NAPSA: variants seen among roughly 807,000 people sequenced by gnomAD.
NAPSA encodes napsin-A.
Under a neutral mutation model 36.7 loss-of-function variants are expected in NAPSA, and 37 were observed. The ratio of observed to expected loss-of-function variants is 1.01; its 90% CI spans 0.78 to 1.33. NAPSA has a LOEUF of 1.33. Among genes scored for constraint, NAPSA ranks in the 40% most tolerant of loss-of-function variants. NAPSA has a pLI of 0.00. For missense variants in NAPSA, 532 were observed against 543.8 expected (o/e 0.98, Z 0.21); for synonymous variants, 222 against 234.5 (o/e 0.95, Z 0.49).
rs781403779 is a variant in NAPSA at position 50,362,180 on chromosome 19, A to G, written c.217T>C (p.Tyr73His). The G allele has an allele frequency of 6.2e-7, 1 of 1,613,512 alleles. No homozygotes were observed. Among genetic ancestry groups the G allele is most frequent in the Non-Finnish European group, 8.5e-7 (1 of 1,179,664 alleles). Reference protein sequence around the residue: ...DKPIFVPLSNYRDVQYFGEIG... With the variant: ...DKPIFVPLSNHRDVQYFGEIG... ...GTGGGGCTGTGACTCACATCCCTGT[A>G]GTTCGAGAGAGGTACGAAGATGGGC... Residue 73 changes from tyrosine to histidine, a missense_variant, in exon 2 of 9, where the codon TAC (tyrosine) becomes CAC (histidine). Around this residue, in one of 3 missense-constraint regions of NAPSA, gnomAD observed 102 missense variants for 93.6 expected, o/e 1.09. Transcript: ENST00000253719.
At position 50,358,630 on chromosome 19, in the gene NAPSA, C is replaced by T; in HGVS notation, c.1186G>A (p.Val396Met). 6.2e-7 allele frequency: 1 copy of T among 1,612,820 alleles called. No individual in the cohort carries two copies. Among genetic ancestry groups the T allele is most frequent in the South Asian group, 1.1e-5 (1 of 91,050 alleles). ...CGAGTGCGAGCGCGCGCCAGGCCCA[C>T]CCGGGCGCTGCTCTTCATGTCCCCG... is the stretch of plus-strand genomic sequence containing the variant. ...DRGDMKSSARVGLARARTRGA... is the reference protein window; with the variant it reads ...DRGDMKSSARMGLARARTRGA... The change falls in exon 9 of 9, where the codon GTG (valine) becomes ATG (methionine). Residue 396 changes from valine (V) to methionine (M), a missense_variant. By Grantham distance (21) the Val-to-Met change is conservative. This residue lies in a region of NAPSA where 385 missense variants were observed against 371.5 expected (regional missense o/e 1.04). Transcript: ENST00000253719.
chr19:50,364,429 C>A (rs2037516655), intron 1 of NAPSA, among the ~76,000 whole-genome samples: 1 of 151,036 alleles, frequency 6.6e-6, no homozygotes, highest in African/African-American at 2.4e-5. Context: ...TCCTGGCTAA[C>A]ACTGTGAAAC....
intron 7 of NAPSA, 97 bp from the exon 8 acceptor site, chr19:50,359,206 C>T: frequency 9.2e-6 from 10 of 1,087,644 alleles, no homozygotes; most frequent in Non-Finnish European, 1.4e-5. Context: ...CCCTATTGAG[C>T]ACCTGGGTAC....
Position 50,361,089 on chromosome 19 carries a change from G to A in NAPSA, c.520C>T (p.Pro174Ser). Reference protein sequence around the residue: ...SVIFGEALWEPSLVFAFAHFD... With the variant: ...SVIFGEALWESSLVFAFAHFD... ...TGGGCAAAAGCGAAGACCAGGCTGG[G>A]CTCCCAGAGAGCCTCCCCGAAAATC... is the stretch of plus-strand genomic sequence containing the variant. The change falls in exon 5 of 9, where the codon CCC becomes TCC. Residue 174 changes from proline (P) to serine (S), a missense_variant. By Grantham distance (74) the Pro-to-Ser change is moderately conservative. This residue lies in a region of NAPSA where 385 missense variants were observed against 371.5 expected (regional missense o/e 1.04). Transcript: ENST00000253719. 1 of 1,614,062 alleles carries A rather than the reference G, an allele frequency of 6.2e-7. No homozygotes were observed. Among genetic ancestry groups the A allele is most frequent in the Non-Finnish European group, 8.5e-7 (1 of 1,180,012 alleles).
chr19:50,360,945 T>G lies in NAPSA; in HGVS notation c.664A>C (p.Asn222His). Residue 222 changes from asparagine to histidine, a missense_variant, in exon 5 of 9, where the codon AAC (asparagine) becomes CAC (histidine). By Grantham distance (68) the Asn-to-His change is moderately conservative. Around this residue, in one of 3 missense-constraint regions of NAPSA, gnomAD observed 385 missense variants for 371.5 expected, o/e 1.04. Coordinates refer to ENST00000253719, the MANE Select transcript of NAPSA (RefSeq NM_004851.3). ...LDKPVFSFYL[N>H]RDPEEPDGGE... is the part of the protein sequence containing the mutation. ...TAGGTGCACACTTCCCAGTACCTGT[T>G]GAGGTAAAAGGAGAAGACAGGCTTA... 6.2e-7 allele frequency: 1 copy of G among 1,613,782 alleles called. No individual in the cohort carries two copies. The highest frequency in any genetic ancestry group is 8.5e-7 in the Non-Finnish European group (1 of 1,179,822).
chr19:50,361,698 G>T lies in NAPSA; in HGVS notation c.433C>A (p.Arg145=), dbSNP rs186910155. 2.7e-5 allele frequency: 43 copies of T among 1,613,938 alleles called. 1 individual carries two copies. In the African/African-American group the frequency reaches 5.3e-4, roughly 20 times the overall value. ...TCCTCGCTCAGGATTCCATCTACCC[G>T]CCCAGTTCCATATTGAATGGCAAAC... ...TKFAIQYGTG[R]VDGILSEDKL... Residue 145 remains arginine, a synonymous_variant, in exon 4 of 9, where the codon CGG becomes AGG. Coordinates refer to ENST00000253719, the MANE Select transcript of NAPSA (RefSeq NM_004851.3).
intron 5 of NAPSA, 133 bp downstream of exon 5, chr19:50,360,808 A>G: frequency 1.2e-6 from 1 of 860,374 alleles, no homozygotes; most frequent in Non-Finnish European, 1.8e-6. Context: ...TGAATGGCTG[A>G]CTTCCTGAAT....
Position 50,361,045 on chromosome 19 carries a change from G to A in NAPSA, c.564C>T (p.Gly188=). ...CCACAGACAGAATGGGAAAACCGAG[G>A]CCCAATATCCCATCAAAATGGGCAA... ...FAFAHFDGIL[G]LGFPILSVEG... is the part of the protein sequence containing the mutation. Residue 188 remains glycine, a synonymous_variant, in exon 5 of 9, where the codon GGC becomes GGT. Transcript: ENST00000253719. The A allele has an allele frequency of 6.2e-7, 1 of 1,614,146 alleles. No homozygotes were observed.
rs777593138 is a variant in NAPSA at position 50,361,042 on chromosome 19, G to C, written c.567C>G (p.Leu189=). Residue 189 remains leucine (L), a synonymous_variant, in exon 5 of 9, where the codon CTC becomes CTG. Coordinates refer to ENST00000253719, the MANE Select transcript of NAPSA (RefSeq NM_004851.3). Reference sequence around the variant, plus strand: ...CTTCCACAGACAGAATGGGAAAACCGAGGCCCAATATCCCATCAAAATGGG... The same window carrying C: ...CTTCCACAGACAGAATGGGAAAACCCAGGCCCAATATCCCATCAAAATGGG... ...AFAHFDGILG[L]GFPILSVEGV... 1.2e-6 allele frequency: 2 copies of C among 1,613,990 alleles called. No individual in the cohort carries two copies. Among genetic ancestry groups the C allele is most frequent in the Non-Finnish European group, 1.7e-6 (2 of 1,180,024 alleles).
Position 50,365,626 on chromosome 19 carries a change from G to T in NAPSA, c.-5C>A. 6.2e-7 allele frequency: 1 copy of T among 1,604,242 alleles called. No individual in the cohort carries two copies. The highest frequency in any genetic ancestry group is 1.1e-5 in the South Asian group (1 of 90,132). ...CAGCAGCGGTGGTGGAGACATCGCTGGGGACCTGGGTGTGAACCCAGGTGT... is the reference window on the plus strand; with the variant it reads ...CAGCAGCGGTGGTGGAGACATCGCTTGGGACCTGGGTGTGAACCCAGGTGT... On this transcript the variant is annotated 5_prime_UTR_variant, in exon 1 of 9. Coordinates refer to ENST00000253719, the MANE Select transcript of NAPSA (RefSeq NM_004851.3).
chr19:50,360,846 A>C, intron 5 of NAPSA, 95 bp downstream of exon 5: 1 of 1,239,436 alleles, frequency 8.1e-7, no homozygotes, highest in Non-Finnish European at 1.1e-6. Context: ...GACTCTGAGA[A>C]TGAGAATTCC....
chr19:50,362,076 T>A lies in NAPSA; in HGVS notation c.242A>T (p.Glu81Val). ...TTGTGGAGGCGTTCCCAGCCCAATT[T>A]CCCCAAAATACTGCACCTGATAGCA... is the stretch of plus-strand genomic sequence containing the variant. ...SNYRDVQYFG[E>V]IGLGTPPQNF... The change falls in exon 3 of 9, where the codon GAA becomes GTA. Residue 81 changes from glutamate (E) to valine (V), a missense_variant. Around this residue, in one of 3 missense-constraint regions of NAPSA, gnomAD observed 45 missense variants for 78.7 expected, o/e 0.57. Transcript: ENST00000253719. The A allele has an allele frequency of 1.2e-6, 2 of 1,614,006 alleles. No homozygotes were observed. The highest frequency in any genetic ancestry group is 2.2e-5 in the South Asian group (2 of 91,066).
Position 50,363,305 on chromosome 19 carries a change from C to T in NAPSA, c.84-992G>A, listed in dbSNP as rs184613958. 1.4e-3 allele frequency among the ~76,000 whole-genome samples: 214 copies of T among 152,136 alleles called. 1 individual carries two copies. Among genetic ancestry groups the T allele is most frequent in the Non-Finnish European group, 2.5e-3 (171 of 67,988 alleles). ...GAGAGGAGAAAAAGAGAGATGGGGG[C>T]GGGGAGGGGACATCAGAGGTAAGGT... On this transcript the variant is annotated intron_variant, in intron 1 of 8. Coordinates refer to ENST00000253719, the MANE Select transcript of NAPSA (RefSeq NM_004851.3).
At chr19:50,359,309 C>G in intron 7 of NAPSA, 194 bp downstream of exon 7, 1 of 870,692 alleles carries the variant, frequency 1.1e-6, no homozygotes, top group Non-Finnish European at 1.7e-6. Context: ...CCACCATCCG[C>G]AGAGTCGCAG....
chr19:50,360,927 A>G lies in NAPSA; in HGVS notation c.668+14T>C. ...GGGGATAGGACTCATAGATAGGTGC[A>G]CACTTCCCAGTACCTGTTGAGGTAA... On this transcript the variant is annotated intron_variant, in intron 5 of 8. Transcript: ENST00000253719. 1.2e-6 allele frequency: 2 copies of G among 1,611,750 alleles called. No homozygotes were observed. Among genetic ancestry groups the G allele is most frequent in the Non-Finnish European group, 1.7e-6 (2 of 1,178,578 alleles).
At chr19:50,364,363 C>T (rs951789705) in intron 1 of NAPSA, among the ~76,000 whole-genome samples, 1 of 148,896 alleles carries the variant, frequency 6.7e-6, no homozygotes, top group African/African-American at 2.5e-5. Context: ...CGCCTGTAAT[C>T]CCAGCACTTT....
chr19:50,367,555 T>C (rs906746169), upstream of NAPSA, among the ~76,000 whole-genome samples: 3 of 134,138 alleles, frequency 2.2e-5, no homozygotes, highest in East Asian at 3.9e-4. Context: ...TCTCCCTCTC[T>C]CTCTCTCTCT....
At position 50,358,720 on chromosome 19, in the gene NAPSA, G is replaced by A. The variant is rs758380725; in HGVS notation, c.1096C>T (p.Pro366Ser). 6.2e-7 allele frequency: 1 copy of A among 1,613,562 alleles called. No individual in the cohort carries two copies. The highest frequency in any genetic ancestry group is 8.5e-7 in the Non-Finnish European group (1 of 1,179,986). The change falls in exon 9 of 9, where the codon CCT (proline) becomes TCT (serine). Residue 366 changes from proline (P) to serine (S), a missense_variant. This residue lies in a region of NAPSA where 385 missense variants were observed against 371.5 expected (regional missense o/e 1.04). Transcript: ENST00000253719. ...CCGAGGATCCAGAAGGGCCCTGCAG[G>A]CGGAGGGACATCCAGGGCCTGGAAA... Reference protein sequence around the residue: ...SGFQALDVPPPAGPFWILGDV... With the variant: ...SGFQALDVPPSAGPFWILGDV...
chr19:50,365,767 G>GT (rs1055891718), upstream of NAPSA: 10 of 633,916 alleles, frequency 1.6e-5, no homozygotes, highest in Non-Finnish European at 2.7e-5. Flanking sequence ...GGACAAGGAT[G>GT]TTTTTTGAAG....
Sources: allele counts gnomAD v4.1 joint callset (sites outside exome capture counted in the v4.1 genomes callset), GRCh38; gene constraint gnomAD v4.1.1; regional missense constraint gnomAD v4.1.1; transcripts MANE v1.5; gene names NCBI Gene and HGNC (gene_info 2026-07-23, HGNC 2026-07-21).